CRHR2: variants seen among roughly 807,000 people sequenced by gnomAD.
The protein encoded by CRHR2 is corticotropin-releasing hormone receptor 2.
In CRHR2, 53 loss-of-function variants were observed where a neutral mutation model predicts 57.9. That is an observed-to-expected ratio of 0.92 (90% CI 0.73 to 1.15). CRHR2 has a LOEUF of 1.15. Among genes scored for constraint, CRHR2 ranks in the 50% most tolerant of loss-of-function variants. The pLI is 0.00. For missense variants in CRHR2, 532 were observed against 542.6 expected (o/e 0.98, Z 0.19); for synonymous variants, 213 against 220.9 (o/e 0.96, Z 0.32).
At chr7:30,686,530 C>A, upstream of CRHR2, 1 of 1,507,150 alleles carries the variant, frequency 6.6e-7, no homozygotes, top group South Asian at 1.2e-5. Context: ...GATTCTTGGC[C>A]AGGTGCAGTG....
rs373932260 is a variant in CRHR2, at chr7:30,660,552, C to T, written c.831+21G>A. 30 of 1,554,350 alleles carry T rather than the reference C, an allele frequency of 1.9e-5. No homozygotes were observed. In the African/African-American group the frequency reaches 3.5e-4, roughly 18 times the overall value. ...GTCCTCTTGGCACCCAGCCCCATCC[C>T]AGCCACCGCTGAGGGCTTACCAGGA... On this transcript the variant is annotated intron_variant, in intron 8 of 11. Transcript: ENST00000471646.
At chr7:30,686,425 C>T, upstream of CRHR2, 2 of 1,534,020 alleles carry the variant, frequency 1.3e-6, no homozygotes, top group Non-Finnish European at 8.7e-7. Context: ...AGGTCCCTGT[C>T]TTCAGGCCAA....
At chr7:30,670,729 G>A (rs945923630) in intron 2 of CRHR2, among the ~76,000 whole-genome samples, 3 of 152,208 alleles carry the variant, frequency 2.0e-5, no homozygotes, top group Admixed American at 6.5e-5. Context: ...TAGACGGATG[G>A]GCACACACTC....
intron 2 of CRHR2, among the ~76,000 whole-genome samples, chr7:30,670,138 C>A (rs1427652580): frequency 1.3e-5 from 2 of 152,158 alleles, no homozygotes. Flanking sequence ...CACACACACA[C>A]ACACAAACAC....
chr7:30,687,310 A>G (rs1293893702), upstream of CRHR2, among the ~76,000 whole-genome samples: 4 of 152,162 alleles, frequency 2.6e-5, no homozygotes, highest in Non-Finnish European at 5.9e-5. Context: ...ATGCATCCCC[A>G]GAGTGGCTGC....
upstream of CRHR2, among the ~76,000 whole-genome samples, chr7:30,684,856 A>C (rs1432049970): frequency 6.6e-6 from 1 of 152,256 alleles, no homozygotes; most frequent in Admixed American, 6.5e-5. Context: ...GAAGAGCCCC[A>C]AAATTCCCTC....
intron 2 of CRHR2, among the ~76,000 whole-genome samples, chr7:30,670,721 G>C (rs1784330452): frequency 6.6e-6 from 1 of 152,238 alleles, no homozygotes; most frequent in Admixed American, 6.5e-5. Context: ...GGGAAACGTA[G>C]ACGGATGGGC....
chr7:30,697,015 G>A (rs549825137), intron 1 of CRHR2, among the ~76,000 whole-genome samples: 9 of 152,260 alleles, frequency 5.9e-5, no homozygotes, highest in African/African-American at 1.7e-4. Context: ...GCTAGAAAAC[G>A]CTCAGAAGGG....
At chr7:30,697,782 T>C (rs1785086962) in intron 1 of CRHR2, among the ~76,000 whole-genome samples, 1 of 152,170 alleles carries the variant, frequency 6.6e-6, no homozygotes, top group African/African-American at 2.4e-5. Context: ...CCTGCTCCCC[T>C]ATCCCTTCCC....
At chr7:30,699,869 C>A (rs1015072663) in intron 1 of CRHR2, 6 of 1,251,056 alleles carry the variant, frequency 4.8e-6, no homozygotes, top group African/African-American at 1.6e-5. Flanking sequence ...CTGAGACCCC[C>A]GCCCCTAGTC....
rs1272057983 is a variant in CRHR2, at chr7:30,682,253, G to A, written c.28C>T (p.Leu10=). The A allele has an allele frequency of 1.3e-5, 20 of 1,587,060 alleles. No individual in the cohort carries two copies. Among genetic ancestry groups the A allele is most frequent in the Non-Finnish European group, 1.7e-5 (20 of 1,173,756 alleles). Residue 10 remains leucine, a synonymous_variant, in exon 1 of 12, where the codon CTG becomes TTG. Coordinates refer to ENST00000471646, the MANE Select transcript of CRHR2 (RefSeq NM_001883.5). MDAALLHSL[L]EANCSLALAE... is the part of the protein sequence containing the mutation. ...AGCGCCAGGCTGCAGTTGGCCTCCA[G>A]CAGGCTGTGGAGCAGTGCCGCGTCC...
At chr7:30,668,987 A>G (rs1434978136) in intron 2 of CRHR2, among the ~76,000 whole-genome samples, 1 of 152,236 alleles carries the variant, frequency 6.6e-6, no homozygotes, top group African/African-American at 2.4e-5. Context: ...GAGAAAGGTT[A>G]CCTCAACTCG....
At chr7:30,696,137 C>A (rs75626108) in intron 1 of CRHR2, among the ~76,000 whole-genome samples, 1 of 151,726 alleles carries the variant, frequency 6.6e-6, no homozygotes, top group Non-Finnish European at 1.5e-5. Flanking sequence ...GAATGGTTAC[C>A]GGAGGCTGGG....
chr7:30,660,339 A>C (rs916143737), intron 8 of CRHR2, among the ~76,000 whole-genome samples: 1 of 152,236 alleles, frequency 6.6e-6, no homozygotes, highest in Non-Finnish European at 1.5e-5. Flanking sequence ...CCTCCCAGAG[A>C]AAGAGCCCTG....
In CRHR2 at chr7:30,656,040, G is replaced by A. The variant is rs767756664; in HGVS notation, c.832-28C>T. The A allele has an allele frequency of 2.1e-5, 34 of 1,603,398 alleles. No individual in the cohort carries two copies. In the African/African-American group the frequency reaches 2.4e-4, roughly 11 times the overall value. On this transcript the variant is annotated intron_variant, in intron 8 of 11. Coordinates refer to ENST00000471646, the MANE Select transcript of CRHR2 (RefSeq NM_001883.5). The surrounding 1 kb of genome is among the most constrained non-coding windows in gnomAD (Gnocchi z 4.4). ...GGAGGGAGGGCGGGCATGGGAAAGA[G>A]GGAAAAGGAAGGAGCACGTGTTTGA...
chr7:30,692,133 A>G (rs915207778), intron 1 of CRHR2, among the ~76,000 whole-genome samples: 6 of 152,250 alleles, frequency 3.9e-5, no homozygotes, highest in African/African-American at 9.6e-5. Context: ...TGTGCATTCA[A>G]CAAATTACTG....
In CRHR2 at chr7:30,653,419, G is replaced by A. The variant is rs1186901727; in HGVS notation, c.*41C>T. 9 of 1,603,310 alleles carry A rather than the reference G, an allele frequency of 5.6e-6. No individual in the cohort carries two copies. The highest frequency in any genetic ancestry group is 3.3e-4 in the Middle Eastern group (2 of 6,002). On this transcript the variant is annotated 3_prime_UTR_variant, in exon 12 of 12. Coordinates refer to ENST00000471646, the MANE Select transcript of CRHR2 (RefSeq NM_001883.5). The surrounding 1 kb of genome is among the most constrained non-coding windows in gnomAD (Gnocchi z 5.0). ...CACAGAGAACCCAGAGGAAGAAGGT[G>A]GAGGAGGACAGGGGAGCTGTGCAGG...
intron 2 of CRHR2, among the ~76,000 whole-genome samples, chr7:30,674,187 T>C (rs1335187532): frequency 6.6e-6 from 1 of 152,012 alleles, no homozygotes; most frequent in African/African-American, 2.4e-5. Context: ...CACTGAGCAG[T>C]TTAATGGAGA....
chr7:30,655,876 C>G (rs751657759), intron 9 of CRHR2, 51 bp downstream of exon 9: 1 of 1,602,430 alleles, frequency 6.2e-7, no homozygotes, highest in Non-Finnish European at 8.5e-7. Flanking sequence ...GGGGACGGCC[C>G]GATGACCTCC....
Sources: gnomAD v4.1 joint callset for allele counts (sites outside exome capture counted in the v4.1 genomes callset) on GRCh38, gnomAD v4.1.1 for gene constraint, Gnocchi (gnomAD v3.1) non-coding constraint, MANE v1.5 for transcripts, NCBI Gene and HGNC (gene_info 2026-07-23, HGNC 2026-07-21) for gene names.